DOCK10: variants seen among roughly 807,000 people sequenced by gnomAD.
DOCK10 encodes dedicator of cytokinesis 10.
Under a neutral mutation model 280.1 loss-of-function variants are expected in DOCK10, and 145 were observed. The ratio of observed to expected loss-of-function variants is 0.52; its 90% CI spans 0.45 to 0.59. The LOEUF is 0.59. Among genes scored for constraint, DOCK10 ranks in the 20% least tolerant of loss-of-function variants. The pLI, the probability that DOCK10 is intolerant of heterozygous loss-of-function variation, is 0.00. For missense variants in DOCK10, 2,368 were observed against 2,651.7 expected, an observed-to-expected ratio of 0.89 and a Z score of 2.35; for synonymous variants, 915 against 942.2, an observed-to-expected ratio of 0.97 and a Z score of 0.53.
intron 1 of DOCK10, among the ~76,000 whole-genome samples, chr2:224,951,373 G>T (rs1703716899): frequency 2.0e-5 from 3 of 152,134 alleles, no homozygotes; most frequent in African/African-American, 7.2e-5. Flanking sequence ...ATATATGCAT[G>T]CATATATGTA....
intron 30 of DOCK10, among the ~76,000 whole-genome samples, chr2:224,814,710 T>C (rs567554031): frequency 3.9e-4 from 60 of 152,164 alleles, no homozygotes; most frequent in African/African-American, 1.4e-3. Context: ...TTAGTAGAGA[T>C]GGGGTTTTGC....
At chr2:224,823,384 A>T in intron 28 of DOCK10, 117 bp downstream of exon 28, 2 of 821,652 alleles carry the variant, frequency 2.4e-6, no homozygotes, top group East Asian at 6.5e-5. Context: ...TTTTCATCTG[A>T]CAGTGCTAGT....
intron 1 of DOCK10, among the ~76,000 whole-genome samples, chr2:225,025,255 C>T (rs970587688): frequency 6.6e-6 from 1 of 152,126 alleles, no homozygotes; most frequent in African/African-American, 2.4e-5. Flanking sequence ...AATTAAAGGG[C>T]TGTGGCTTAA....
chr2:224,853,209 T>C (rs957152393), intron 16 of DOCK10, 87 bp from the exon 17 acceptor site: 1 of 1,208,538 alleles, frequency 8.3e-7, no homozygotes, highest in Admixed American at 2.7e-5. Flanking sequence ...ATGAACCCAC[T>C]CAAGATAGAA....
chr2:224,951,249 T>A (rs1348597008), intron 1 of DOCK10, among the ~76,000 whole-genome samples: 1 of 152,236 alleles, frequency 6.6e-6, no homozygotes, highest in Non-Finnish European at 1.5e-5. Context: ...AAAATATATA[T>A]ATGTGTATGT....
chr2:224,831,175 T>A (rs1695201699), intron 26 of DOCK10, among the ~76,000 whole-genome samples: 1 of 152,042 alleles, frequency 6.6e-6, no homozygotes, highest in Non-Finnish European at 1.5e-5. Context: ...GCTTAGGTGA[T>A]CCTCCCGCCT....
rs76554935 is a variant in DOCK10, at chr2:224,808,050, C to T, written c.3446G>A (p.Arg1149His). The T allele has an allele frequency of 2.2e-4, 349 of 1,612,112 alleles. 1 individual carries two copies. In the African/African-American group the frequency reaches 3.6e-3, roughly 17 times the overall value. Residue 1149 changes from arginine to histidine, a missense_variant, in exon 32 of 56, where the codon CGC becomes CAC. Around this residue, in one of 2 missense-constraint regions of DOCK10, gnomAD observed 1,159 missense variants for 1,400.8 expected, o/e 0.83. Coordinates refer to ENST00000258390, the MANE Select transcript of DOCK10 (RefSeq NM_014689.3). ...CAGAATTCCGATTAAGAAGTGTTTG[C>T]GACAAAATTCATTTGTGACTGAATA... is the stretch of plus-strand genomic sequence containing the variant. The part of the protein sequence containing the change: ...PEYSVTNEFC[R>H]KHFLIGILLR...
chr2:224,875,868 G>T (rs563420693), intron 8 of DOCK10, among the ~76,000 whole-genome samples, 170 bp downstream of exon 8: 1 of 152,276 alleles, frequency 6.6e-6, no homozygotes, highest in South Asian at 2.1e-4. Flanking sequence ...ATGTGTGGTG[G>T]CCATTACTGT....
chr2:224,830,120 T>G (rs977107461), intron 27 of DOCK10, among the ~76,000 whole-genome samples: 6 of 152,232 alleles, frequency 3.9e-5, no homozygotes, highest in African/African-American at 1.2e-4. Flanking sequence ...GCAAAGGTCC[T>G]GGAGGCCGAT....
chr2:224,933,334 C>G (rs1294870230), intron 1 of DOCK10, among the ~76,000 whole-genome samples: 1 of 152,304 alleles, frequency 6.6e-6, no homozygotes, highest in South Asian at 2.1e-4. Flanking sequence ...GCTCAAAAGG[C>G]AAATGCACGT....
At chr2:224,853,161 G>T in intron 16 of DOCK10, 39 bp from the exon 17 acceptor site, 1 of 1,492,558 alleles carries the variant, frequency 6.7e-7, no homozygotes, top group Non-Finnish European at 9.0e-7. Flanking sequence ...CATTTAATAT[G>T]GTTCTTTTAA....
chr2:224,845,223 G>A lies in DOCK10; in HGVS notation c.2461C>T (p.Gln821Ter). 1 of 1,578,818 alleles carries A rather than the reference G, an allele frequency of 6.3e-7. No homozygotes were observed. The highest frequency in any genetic ancestry group is 8.6e-7 in the Non-Finnish European group (1 of 1,160,614). The change falls in exon 21 of 56, where the codon CAA becomes TAA. Residue 821 changes from glutamine to a stop codon, truncating the protein, a stop_gained. Coordinates refer to ENST00000258390, the MANE Select transcript of DOCK10 (RefSeq NM_014689.3). LOFTEE classifies it high-confidence loss of function. Reference protein sequence around the residue: ...TSLPPNYLSFQDSASGKHGGS... With the variant: ...TSLPPNYLSF ...AATACCTTTCCACTTGCAGAATCTT[G>A]AAAGCTTAAATAATTAGGAGGCAGA...
chr2:224,829,603 T>TGCTTCTTG (rs1401422684), intron 27 of DOCK10, among the ~76,000 whole-genome samples: 3 of 152,232 alleles, frequency 2.0e-5, no homozygotes, highest in African/African-American at 7.2e-5. Flanking sequence ...TCTACCTGGC[T>TGCTTCTTG]GCTTCTTGGT....
chr2:225,019,473 T>C (rs557330549), intron 1 of DOCK10, among the ~76,000 whole-genome samples: 44 of 141,674 alleles, frequency 3.1e-4, no homozygotes, highest in African/African-American at 1.1e-3. Flanking sequence ...CTGGCTAAGA[T>C]ACAAATCCTC....
chr2:224,931,149 C>T (rs1022393390), intron 2 of DOCK10, among the ~76,000 whole-genome samples: 21 of 152,192 alleles, frequency 1.4e-4, no homozygotes, highest in African/African-American at 4.6e-4. Context: ...TTAAGAACTG[C>T]ATCTTTTGTG....
intron 50 of DOCK10, among the ~76,000 whole-genome samples, chr2:224,780,669 A>C (rs1691261370): frequency 6.6e-6 from 1 of 152,088 alleles, no homozygotes; most frequent in South Asian, 2.1e-4. Context: ...TGGGAGTCCG[A>C]GGTGGGCGGA....
intron 1 of DOCK10, among the ~76,000 whole-genome samples, chr2:224,953,872 C>T (rs781757057): frequency 6.6e-6 from 1 of 151,990 alleles, no homozygotes. Flanking sequence ...GATGAGCCAA[C>T]AATAACAGAG....
Position 224,794,892 on chromosome 2 carries a change from C to T in DOCK10, c.5141G>A (p.Gly1714Glu). The T allele has an allele frequency of 6.2e-7, 1 of 1,613,668 alleles. No individual in the cohort carries two copies. Among genetic ancestry groups the T allele is most frequent in the Non-Finnish European group, 8.5e-7 (1 of 1,179,826 alleles). Residue 1714 changes from glycine to glutamate, a missense_variant, in exon 45 of 56, where the codon GGA becomes GAA. Transcript: ENST00000258390. Reference protein sequence around the residue: ...ESMAKIHARNGDLSEAAMCYI... With the variant: ...ESMAKIHARNEDLSEAAMCYI... ...TTGGCTAATCACCTCAGATAAATCT[C>T]CGTTTCTGGCATGAATCTTGGCCAT...
intron 1 of DOCK10, among the ~76,000 whole-genome samples, chr2:224,967,082 CTTTT>C (rs11381058): frequency 1.4e-5 from 2 of 142,960 alleles, no homozygotes. Flanking sequence ...ATCCTCTAGT[CTTTT>C]TTTTTTTTTT....
Sources: gnomAD v4.1 joint callset for allele counts (sites outside exome capture counted in the v4.1 genomes callset) on GRCh38, gnomAD v4.1.1 for gene constraint, gnomAD v4.1.1 regional missense constraint, MANE v1.5 for transcripts, NCBI Gene and HGNC (gene_info 2026-07-23, HGNC 2026-07-21) for gene names.